The following LARP1B variants were observed in gnomAD, a reference collection of about 807,000 sequenced individuals.
LARP1B encodes the protein la-related protein 1B.
In LARP1B, 76 loss-of-function variants were observed where a neutral mutation model predicts 114.2. That is an observed-to-expected ratio of 0.67 (90% CI 0.55 to 0.81). The LOEUF (loss-of-function observed/expected upper bound fraction) is 0.81. Ranked by LOEUF, LARP1B falls within the 30% of genes least tolerant of loss-of-function variation. The probability of loss-of-function intolerance (pLI) is 0.00; values close to 1 mark genes in which losing one functional copy is unlikely to be tolerated. For synonymous variants in LARP1B, 345 were observed against 348.0 expected, an observed-to-expected ratio of 0.99 and a Z score of 0.10; for missense variants, 1,014 against 1,075.8, an observed-to-expected ratio of 0.94 and a Z score of 0.80.
chr4:128,213,380 C>A (rs182785626), downstream of LARP1B, among the ~76,000 whole-genome samples: 12 of 152,114 alleles, frequency 7.9e-5, no homozygotes, highest in African/African-American at 2.9e-4. Context: ...TTACGTTTTC[C>A]TTTTGGAGTG....
In LARP1B at chr4:128,091,412, G is replaced by C; in HGVS notation, c.568G>C (p.Glu190Gln). 5.6e-6 allele frequency: 9 copies of C among 1,611,402 alleles called. No homozygotes were observed. The highest frequency in any genetic ancestry group is 7.6e-6 in the Non-Finnish European group (9 of 1,177,660). ...GERTDQPFQTELNTSMMYYYD... is the reference protein window; with the variant it reads ...GERTDQPFQTQLNTSMMYYYD... Reference sequence around the variant, plus strand: ...AAGGACTGATCAACCATTTCAAACAGAACTTAATACCAGTATGATGTATTA... The same window carrying C: ...AAGGACTGATCAACCATTTCAAACACAACTTAATACCAGTATGATGTATTA... The change falls in exon 7 of 20, where the codon GAA becomes CAA. Residue 190 changes from glutamate (E) to glutamine (Q), a missense_variant. Physicochemically the swap from Glu to Gln is conservative, Grantham distance 29. Transcript: ENST00000326639.
intron 11 of LARP1B, among the ~76,000 whole-genome samples, chr4:128,132,455 A>G (rs887729634): frequency 3.3e-5 from 5 of 152,122 alleles, no homozygotes; most frequent in Admixed American, 6.5e-5. Flanking sequence ...CATGTTGGCC[A>G]GGCTGGTCTC....
At chr4:128,219,746 G>A (rs1759844204) in intron 6 of LARP1B, among the ~76,000 whole-genome samples, 1 of 148,858 alleles carries the variant, frequency 6.7e-6, no homozygotes, top group African/African-American at 2.5e-5. Flanking sequence ...GTATACATAG[G>A]TAACTAACCT....
Position 128,108,093 on chromosome 4 carries a change from G to A in LARP1B, c.988+780G>A, listed in dbSNP as rs947895005. ...CTGCAGTGGAGATAACCACCTTTGC[G>A]ATAATGAGAGACAGACCAGAGGACT... is the stretch of plus-strand genomic sequence containing the variant. On this transcript the variant is annotated intron_variant, in intron 9 of 19. Coordinates refer to ENST00000326639, the MANE Select transcript of LARP1B (RefSeq NM_018078.4). 8.6e-6 allele frequency: 12 copies of A among 1,394,774 alleles called. No homozygotes were observed. In the African/African-American group the frequency reaches 8.8e-5, roughly 10 times the overall value. 86.4% of individuals were successfully genotyped at this position (1,394,774 alleles called of 1,614,324 possible).
intron 5 of LARP1B, among the ~76,000 whole-genome samples, chr4:128,083,592 CCCAGACGGGGCGGCTGG>C (rs1771655015): frequency 6.8e-6 from 1 of 146,444 alleles, no homozygotes; most frequent in African/African-American, 2.5e-5. Context: ...CCACCTCCCT[CCCAGACGGGGCGGCTGG>C]CCGGGCGGGG....
At chr4:128,166,019 T>C (rs1467729202) in intron 12 of LARP1B, among the ~76,000 whole-genome samples, 1 of 152,054 alleles carries the variant, frequency 6.6e-6, no homozygotes, top group Non-Finnish European at 1.5e-5. Flanking sequence ...ATCAAATTAA[T>C]ATGTATAGAC....
intron 11 of LARP1B, among the ~76,000 whole-genome samples, chr4:128,152,037 A>T (rs764045410): frequency 6.6e-6 from 1 of 152,110 alleles, no homozygotes; most frequent in Admixed American, 6.5e-5. Context: ...GGTTATGATG[A>T]TATCTACCAG....
chr4:128,185,862 A>T (rs1750160508), intron 15 of LARP1B, among the ~76,000 whole-genome samples: 1 of 152,110 alleles, frequency 6.6e-6, no homozygotes, highest in African/African-American at 2.4e-5. Context: ...GGCTTTTTGT[A>T]GAGAGGGGTC....
At chr4:128,061,929 C>T (rs1345260648) in intron 1 of LARP1B, 1 of 985,116 alleles carries the variant, frequency 1.0e-6, no homozygotes, top group Non-Finnish European at 1.2e-6. Context: ...CCCCAGGCGG[C>T]TGTCCCCGTG....
At chr4:128,157,681 G>A in intron 11 of LARP1B, among the ~76,000 whole-genome samples, 1 of 151,978 alleles carries the variant, frequency 6.6e-6, no homozygotes, top group East Asian at 1.9e-4. Flanking sequence ...TACAGTGCCT[G>A]AAAGAAAGGG....
At chr4:128,069,156 T>C (rs967435920) in intron 1 of LARP1B, 2 of 1,113,164 alleles carry the variant, frequency 1.8e-6, no homozygotes, top group Non-Finnish European at 1.4e-6. Flanking sequence ...CATCTTCCTA[T>C]GCTTGTGGAC....
intron 7 of LARP1B, chr4:128,093,049 C>T (rs990524036): frequency 2.0e-6 from 2 of 985,114 alleles, no homozygotes; most frequent in Non-Finnish European, 2.4e-6. Context: ...TTGATGATGT[C>T]CCTAGGACAC....
intron 10 of LARP1B, among the ~76,000 whole-genome samples, chr4:128,119,481 C>T (rs1444550566): frequency 1.3e-5 from 2 of 152,090 alleles, no homozygotes; most frequent in Non-Finnish European, 2.9e-5. Flanking sequence ...GAAAGTAATT[C>T]TTGGGCTTTT....
At chr4:128,153,039 A>G (rs1334327111) in intron 11 of LARP1B, among the ~76,000 whole-genome samples, 4 of 125,572 alleles carry the variant, frequency 3.2e-5, no homozygotes, top group African/African-American at 9.4e-5. Flanking sequence ...CTGGAGTGCA[A>G]TGGTGTAACC....
At chr4:128,141,010 T>A (rs980175079) in intron 11 of LARP1B, among the ~76,000 whole-genome samples, 1 of 151,980 alleles carries the variant, frequency 6.6e-6, no homozygotes, top group South Asian at 2.1e-4. Flanking sequence ...GAGATGGAGT[T>A]TCATCATCTT....
chr4:128,175,165 C>T (rs181837439), intron 12 of LARP1B, among the ~76,000 whole-genome samples: 4 of 152,010 alleles, frequency 2.6e-5, no homozygotes, highest in Non-Finnish European at 5.9e-5. Flanking sequence ...TATCATTTAT[C>T]CCATGTATTA....
chr4:128,179,209 A>G, intron 14 of LARP1B, 197 bp from the exon 15 acceptor site: 1 of 410,408 alleles, frequency 2.4e-6, no homozygotes, highest in Admixed American at 4.3e-5. Context: ...TGTGTCACAA[A>G]CCTACCAAAG....
chr4:128,176,907 G>T lies in LARP1B; in HGVS notation c.1684G>T (p.Asp562Tyr). Reference protein sequence around the residue: ...VQGVLHIPKKDLTDELAQKLF... With the variant: ...VQGVLHIPKKYLTDELAQKLF... Reference sequence around the variant, plus strand: ...AGGAGTGCTTCACATTCCCAAGAAAGGTAACATCTGTGGTGGGTATTAAAG... The same window carrying T: ...AGGAGTGCTTCACATTCCCAAGAAATGTAACATCTGTGGTGGGTATTAAAG... The change falls in exon 13 of 20, where the codon GAT becomes TAT. Residue 562 changes from aspartate to tyrosine, a missense_variant and splice_region_variant. By Grantham distance (160) the Asp-to-Tyr change is radical. Coordinates refer to ENST00000326639, the MANE Select transcript of LARP1B (RefSeq NM_018078.4). The T allele has an allele frequency of 6.2e-7, 1 of 1,613,662 alleles. No homozygotes were observed. Among genetic ancestry groups the T allele is most frequent in the South Asian group, 1.1e-5 (1 of 91,064 alleles).
chr4:128,061,543 TCGGCGGGCGGCGGCAGCGGCGGCCA>T, intron 1 of LARP1B, 142 bp downstream of exon 1: 1 of 365,322 alleles, frequency 2.7e-6, no homozygotes, highest in Non-Finnish European at 3.8e-6. Flanking sequence ...CTGCGCGGCC[TCGGCGGGCGGCGGCAGCGGCGGCCA>T]CGGCCGCCGG....
Sources: allele counts gnomAD v4.1 joint callset (sites outside exome capture counted in the v4.1 genomes callset), GRCh38; gene constraint gnomAD v4.1.1; transcripts MANE v1.5; gene names NCBI Gene and HGNC (gene_info 2026-07-23, HGNC 2026-07-21).